FHL1: variants seen among roughly 807,000 people sequenced by gnomAD.
The protein encoded by FHL1 is four and a half LIM domains 1.
Under a neutral mutation model 20.3 loss-of-function variants are expected in FHL1, and 1 was observed. The observed-to-expected ratio is 0.05, with a 90% CI of 0.02 to 0.23. The LOEUF (loss-of-function observed/expected upper bound fraction) is 0.23. Ranked by LOEUF, FHL1 falls within the 10% of genes least tolerant of loss-of-function variation. FHL1 has a pLI of 1.00. For missense variants in FHL1, 177 were observed against 234.0 expected (o/e 0.76, Z 1.59); for synonymous variants, 82 against 88.9 (o/e 0.92, Z 0.44).
At chrX:136,201,722 T>A (rs1021529663) in intron 1 of FHL1, among the ~76,000 whole-genome samples, 8 of 110,725 alleles carry the variant, frequency 7.2e-5, no homozygotes, top group Admixed American at 5.7e-4. Flanking sequence ...GCCCTGCTCA[T>A]GTCTAATACC....
intron 2 of FHL1, among the ~76,000 whole-genome samples, chrX:136,180,697 T>C (rs1417640708): frequency 8.9e-6 from 1 of 112,759 alleles, no homozygotes; most frequent in Non-Finnish European, 1.9e-5. Context: ...TAGAAAATTT[T>C]ATCATCCTGG....
chrX:136,194,820 C>G (rs183887176), upstream of FHL1, among the ~76,000 whole-genome samples: 682 of 111,774 alleles, frequency 6.1e-3, 4 homozygotes, highest in Non-Finnish European at 0.01. Flanking sequence ...TCTCATCATG[C>G]AAGGGGCTGT....
In FHL1 at chrX:136,154,348, T is replaced by A. The variant is rs760697183; in HGVS notation, c.-101+6720T>A. Among the ~76,000 whole-genome samples, 4 of 112,524 alleles carry A rather than the reference T, an allele frequency of 3.6e-5. No homozygotes were observed. In the South Asian group the frequency reaches 1.5e-3, roughly 41 times the overall value. ...GGAATTTTTCATGTTATTTGCTTTA[T>A]TGTAATTGAACATTTAGTGATGGGG... is the stretch of plus-strand genomic sequence containing the variant. On this transcript the variant is annotated intron_variant, in intron 1 of 7. Transcript: ENST00000394155.
At chrX:136,208,172 G>A (rs1049186578) in intron 4 of FHL1, among the ~76,000 whole-genome samples, 1 of 112,216 alleles carries the variant, frequency 8.9e-6, no homozygotes, top group Non-Finnish European at 1.9e-5. Context: ...CAGCCTGGTG[G>A]TGCGGGTGGC....
At chrX:136,180,566 A>G (rs1165399612) in intron 2 of FHL1, among the ~76,000 whole-genome samples, 1 of 111,899 alleles carries the variant, frequency 8.9e-6, no homozygotes, top group Non-Finnish European at 1.9e-5. Flanking sequence ...ATGGAACCCT[A>G]GAATTTATAG....
chrX:136,193,733 C>A (rs1028468912), upstream of FHL1, among the ~76,000 whole-genome samples: 2 of 110,342 alleles, frequency 1.8e-5, no homozygotes, highest in East Asian at 5.7e-4. Context: ...GCCTCTCATT[C>A]TTTCAGTCTT....
intron 2 of FHL1, among the ~76,000 whole-genome samples, chrX:136,187,620 AG>A (rs2073339807): frequency 9.0e-6 from 1 of 111,202 alleles, no homozygotes; most frequent in African/African-American, 3.3e-5. Flanking sequence ...CAGCCACAGA[AG>A]GCCATATATT....
intron 1 of FHL1, among the ~76,000 whole-genome samples, chrX:136,152,197 C>T (rs2072283158): frequency 8.9e-6 from 1 of 111,902 alleles, no homozygotes; most frequent in Middle Eastern, 4.6e-3. Context: ...TAAATATATA[C>T]TCATTGTCTA....
At chrX:136,167,743 T>C (rs1190385182), upstream of FHL1, 1 of 111,281 alleles carries the variant, frequency 9.0e-6, no homozygotes. Context: ...GCAGGGAAGC[T>C]ATTGGCAAGG....
intron 2 of FHL1, among the ~76,000 whole-genome samples, chrX:136,183,161 A>G (rs920610698): frequency 9.0e-6 from 1 of 110,850 alleles, no homozygotes; most frequent in African/African-American, 3.3e-5. Context: ...GGCAGAGATT[A>G]GTTGGGGGAT....
intron 2 of FHL1, among the ~76,000 whole-genome samples, chrX:136,185,942 C>T (rs985298296): frequency 1.8e-5 from 2 of 111,900 alleles, no homozygotes; most frequent in Admixed American, 1.9e-4. Flanking sequence ...TTGTGCCCAG[C>T]TCGGCTTGCT....
chrX:136,185,587 C>CG (rs894212783), intron 2 of FHL1, among the ~76,000 whole-genome samples: 1 of 111,584 alleles, frequency 9.0e-6, no homozygotes, highest in Non-Finnish European at 1.9e-5. Context: ...GAGGTGCAAT[C>CG]TAAGTTAGGA....
At chrX:136,182,363 A>G (rs2148324845) in intron 2 of FHL1, among the ~76,000 whole-genome samples, 1 of 112,294 alleles carries the variant, frequency 8.9e-6, no homozygotes, top group African/African-American at 3.2e-5. Flanking sequence ...TCTGAGTCCA[A>G]ACCCTGGTGT....
upstream of FHL1, among the ~76,000 whole-genome samples, chrX:136,164,661 A>G (rs1441141781): frequency 1.8e-5 from 2 of 111,881 alleles, no homozygotes. Context: ...GTATTTATTT[A>G]GGGCATGGTG....
intron 2 of FHL1, among the ~76,000 whole-genome samples, chrX:136,175,473 G>A (rs1218312526): frequency 8.9e-6 from 1 of 112,104 alleles, no homozygotes; most frequent in Non-Finnish European, 1.9e-5. Context: ...TGGGAAATGT[G>A]TTCTGAGAAA....
intron 1 of FHL1, among the ~76,000 whole-genome samples, chrX:136,151,291 A>G (rs1471256992): frequency 2.0e-5 from 1 of 49,933 alleles, no homozygotes; most frequent in African/African-American, 5.0e-5. Flanking sequence ...TGAAATGTCG[A>G]TATGCCGAGG....
At chrX:136,196,545 C>T (rs747383829), upstream of FHL1, among the ~76,000 whole-genome samples, 1 of 111,403 alleles carries the variant, frequency 9.0e-6, no homozygotes, top group African/African-American at 3.3e-5. Context: ...ATCTGCTGAT[C>T]TCTGGAACAT....
intron 1 of FHL1, among the ~76,000 whole-genome samples, chrX:136,158,136 TTAA>T (rs1415401405): frequency 4.5e-5 from 5 of 112,138 alleles, no homozygotes; most frequent in Non-Finnish European, 1.9e-5. Flanking sequence ...TTACTATGTA[TTAA>T]TAACCCTATC....
At chrX:136,197,162 T>C in intron 1 of FHL1, 28 bp downstream of exon 1, 1 of 1,183,502 alleles carries the variant, frequency 8.4e-7, no homozygotes. Flanking sequence ...TTATCTTATA[T>C]TGAGCACAGT....
Sources: allele counts gnomAD v4.1 joint callset (sites outside exome capture counted in the v4.1 genomes callset), GRCh38; gene constraint gnomAD v4.1.1; transcripts MANE v1.5; gene names NCBI Gene and HGNC (gene_info 2026-07-23, HGNC 2026-07-21).